The following GAS7 variants were observed in gnomAD, a reference collection of about 807,000 sequenced individuals.
The protein encoded by GAS7 is growth arrest specific 7.
In GAS7, 28 loss-of-function variants were observed where a neutral mutation model predicts 71.1. That is an observed-to-expected ratio of 0.39 (90% confidence interval 0.29 to 0.54). The LOEUF is 0.54. Among genes scored for constraint, GAS7 ranks in the 20% least tolerant of loss-of-function variants. The pLI is 0.62. For synonymous variants in GAS7, 258 were observed against 245.8 expected, an observed-to-expected ratio of 1.05 and a Z score of -0.46; for missense variants, 436 against 627.8, an observed-to-expected ratio of 0.69 and a Z score of 3.27.
At chr17:10,043,213 C>A (rs1292091565) in intron 1 of GAS7, among the ~76,000 whole-genome samples, 2 of 152,124 alleles carry the variant, frequency 1.3e-5, no homozygotes, top group African/African-American at 2.4e-5. Context: ...TTAGTGCATG[C>A]AACACCCCCA....
rs2072702262 is a variant in GAS7 at position 10,034,588 on chromosome 17, C to A, written c.184-14691G>T. Among the ~76,000 whole-genome samples the A allele has an allele frequency of 6.6e-6, 1 of 152,128 alleles. No individual in the cohort carries two copies. Among genetic ancestry groups the A allele is most frequent in the Non-Finnish European group, 1.5e-5 (1 of 68,028 alleles). On this transcript the variant is annotated intron_variant, in intron 1 of 13. Transcript: ENST00000432992. This position sits in a 1 kb window ranked among gnomAD's most constrained non-coding sequence, Gnocchi z 4.4. ...CCTCCCAAAGTGCTGGGATTACAGG[C>A]GTGAGCCACTGCGCCCGGCCCAATA...
At chr17:10,176,955 C>T (rs994816331) in intron 1 of GAS7, among the ~76,000 whole-genome samples, 3 of 152,198 alleles carry the variant, frequency 2.0e-5, no homozygotes, top group African/African-American at 7.2e-5. Context: ...ATCCAGTCAT[C>T]AAATACTTAC....
chr17:10,012,320 C>G (rs1384735092), intron 2 of GAS7, among the ~76,000 whole-genome samples: 1 of 152,170 alleles, frequency 6.6e-6, no homozygotes, highest in Non-Finnish European at 1.5e-5. Context: ...CAGTGGCTTG[C>G]TCTGTCACCC....
Position 9,926,808 on chromosome 17 carries a change from C to A in GAS7, c.886-39G>T. 1 of 1,612,816 alleles carries A rather than the reference C, an allele frequency of 6.2e-7. No individual in the cohort carries two copies. Among genetic ancestry groups the A allele is most frequent in the Non-Finnish European group, 8.5e-7 (1 of 1,178,966 alleles). ...AGAGACGCACACTCAGGACCCAGGG[C>A]ATCAGCTGTAAGCCAGTGCAGGGAG... On this transcript the variant is annotated intron_variant, in intron 9 of 13. Transcript: ENST00000432992. The surrounding 1 kb of genome is among the most constrained non-coding windows in gnomAD (Gnocchi z 5.0).
chr17:10,032,764 T>G (rs1323288074), intron 1 of GAS7, among the ~76,000 whole-genome samples: 1 of 152,180 alleles, frequency 6.6e-6, no homozygotes, highest in African/African-American at 2.4e-5. Context: ...CTCCAAACAC[T>G]TTTGGGCTCT....
chr17:10,036,852 A>G, intron 1 of GAS7: 1 of 468,722 alleles, frequency 2.1e-6, no homozygotes, highest in Non-Finnish European at 3.0e-6. Flanking sequence ...GTCACTGAGC[A>G]GATGCCTCCC....
At chr17:10,042,632 G>T (rs1195714288) in intron 1 of GAS7, among the ~76,000 whole-genome samples, 2 of 152,216 alleles carry the variant, frequency 1.3e-5, no homozygotes, top group Non-Finnish European at 2.9e-5. Context: ...CTTCAACAGT[G>T]CCAAATGCTA....
chr17:10,166,164 C>T (rs889753362), intron 1 of GAS7, among the ~76,000 whole-genome samples: 3 of 152,140 alleles, frequency 2.0e-5, no homozygotes, highest in Admixed American at 6.5e-5. Context: ...GCTGGGACTA[C>T]AGGCACACAT....
At chr17:9,998,011 A>G (rs967509165) in intron 2 of GAS7, among the ~76,000 whole-genome samples, 1 of 152,224 alleles carries the variant, frequency 6.6e-6, no homozygotes, top group African/African-American at 2.4e-5. Flanking sequence ...CGGGGGCTTC[A>G]GTACATAGAC....
At chr17:10,007,226 T>C (rs1302606507) in intron 2 of GAS7, among the ~76,000 whole-genome samples, 1 of 152,252 alleles carries the variant, frequency 6.6e-6, no homozygotes, top group African/African-American at 2.4e-5. Flanking sequence ...TGATAGAATC[T>C]GCGTATTGTT....
chr17:9,971,021 A>T (rs958279873), intron 3 of GAS7, among the ~76,000 whole-genome samples: 2 of 152,170 alleles, frequency 1.3e-5, no homozygotes, highest in African/African-American at 4.8e-5. Flanking sequence ...TATTCTCCTG[A>T]CCTACTTTGT....
chr17:10,151,917 A>G (rs956953890), intron 1 of GAS7, among the ~76,000 whole-genome samples: 20 of 152,218 alleles, frequency 1.3e-4, no homozygotes, highest in Admixed American at 1.1e-3. Flanking sequence ...ATGGAAGAAG[A>G]GAGAGAATCA....
chr17:10,188,438 T>C (rs1479767121), intron 1 of GAS7, among the ~76,000 whole-genome samples: 3 of 152,144 alleles, frequency 2.0e-5, no homozygotes, highest in Non-Finnish European at 4.4e-5. Flanking sequence ...AGATGCTCCC[T>C]GAGAAGAAAT....
At chr17:10,189,422 C>T (rs1189835316) in intron 1 of GAS7, among the ~76,000 whole-genome samples, 1 of 152,274 alleles carries the variant, frequency 6.6e-6, no homozygotes, top group Admixed American at 6.5e-5. Flanking sequence ...GAAGATGCCA[C>T]CCACTTCAAT....
intron 1 of GAS7, among the ~76,000 whole-genome samples, chr17:10,146,258 A>G (rs1431190635): frequency 1.3e-5 from 2 of 152,180 alleles, no homozygotes; most frequent in Admixed American, 1.3e-4. Context: ...GAATGTTTTC[A>G]CTTTTTATAG....
At chr17:10,063,770 C>CCCGCCCTCT (rs2073245748) in intron 1 of GAS7, among the ~76,000 whole-genome samples, 1 of 152,198 alleles carries the variant, frequency 6.6e-6, no homozygotes, top group African/African-American at 2.4e-5. Context: ...TTCCTGACCA[C>CCCGCCCTCT]CGTCTAGTAT....
At chr17:10,024,028 G>A (rs955203782) in intron 1 of GAS7, among the ~76,000 whole-genome samples, 1 of 152,182 alleles carries the variant, frequency 6.6e-6, no homozygotes, top group African/African-American at 2.4e-5. Context: ...GGAGGCTGAG[G>A]CAGGAAAATC....
At chr17:10,149,852 G>A (rs1332701936) in intron 1 of GAS7, among the ~76,000 whole-genome samples, 1 of 152,194 alleles carries the variant, frequency 6.6e-6, no homozygotes, top group East Asian at 1.9e-4. Flanking sequence ...CAAAAGGCCA[G>A]ATATCATGTA....
chr17:9,937,217 C>T (rs906973342), intron 8 of GAS7, among the ~76,000 whole-genome samples: 7 of 152,104 alleles, frequency 4.6e-5, no homozygotes, highest in African/African-American at 7.2e-5. Context: ...TGTGAGCTTG[C>T]GTTGTGTTTG....
Sources: allele counts gnomAD v4.1 joint callset (sites outside exome capture counted in the v4.1 genomes callset), GRCh38; gene constraint gnomAD v4.1.1; non-coding constraint Gnocchi (gnomAD v3.1); transcripts MANE v1.5; gene names NCBI Gene and HGNC (gene_info 2026-07-23, HGNC 2026-07-21).